RGS12: variants seen among roughly 807,000 people sequenced by gnomAD.
The protein encoded by RGS12 is regulator of G-protein signaling 12.
In RGS12, 66 loss-of-function variants were observed where a neutral mutation model predicts 120.1. The observed-to-expected ratio is 0.55, with a 90% confidence interval of 0.45 to 0.67. The LOEUF (loss-of-function observed/expected upper bound fraction) is 0.67. Among genes scored for constraint, RGS12 ranks in the 30% least tolerant of loss-of-function variants. RGS12 has a pLI of 0.00. For synonymous variants in RGS12, 827 were observed against 804.7 expected (o/e 1.03, Z -0.47); for missense variants, 1,859 against 1,957.7 (o/e 0.95, Z 0.95).
intron 12 of RGS12, among the ~76,000 whole-genome samples, 197 bp from the exon 13 acceptor site, chr4:3,423,315 TGGA>T (rs1723241722): frequency 6.6e-6 from 1 of 152,332 alleles, no homozygotes; most frequent in South Asian, 2.1e-4. Flanking sequence ...CTGCTATCCC[TGGA>T]GGAGGAGACC....
At chr4:3,294,977 G>T (rs1319936475) in intron 1 of RGS12, among the ~76,000 whole-genome samples, 1 of 152,160 alleles carries the variant, frequency 6.6e-6, no homozygotes, top group Non-Finnish European at 1.5e-5. Context: ...CCTGGGGAGG[G>T]TCAGGAGGTG....
intron 2 of RGS12, among the ~76,000 whole-genome samples, chr4:3,322,630 A>T (rs1005024344): frequency 2.0e-5 from 3 of 152,238 alleles, no homozygotes; most frequent in African/African-American, 7.2e-5. Context: ...AAGTAGCAGC[A>T]CCCAAATTCT....
upstream of RGS12, among the ~76,000 whole-genome samples, chr4:3,292,571 G>A (rs1050702895): frequency 2.6e-5 from 4 of 152,206 alleles, no homozygotes; most frequent in African/African-American, 9.6e-5. Flanking sequence ...CAACGGGAGC[G>A]GGACTTCCTC....
chr4:3,393,341 C>T (rs1455048761), intron 4 of RGS12, among the ~76,000 whole-genome samples: 1 of 152,142 alleles, frequency 6.6e-6, no homozygotes, highest in Non-Finnish European at 1.5e-5. Flanking sequence ...CGTGGGGTCT[C>T]GGCTGTGCAT....
Position 3,316,257 on chromosome 4 carries a change from G to A in RGS12, c.87G>A (p.Arg29=). The stretch of plus-strand genomic sequence containing the variant: ...GGAGTGTGGAGGTTGCCCGGGGGAG[G>A]GCCGGCTACGGATTCACGCTTTCGG... The part of the protein sequence containing the change: ...RVRSVEVARG[R]AGYGFTLSGQ... The change falls in exon 2 of 18, where the codon AGG becomes AGA. Residue 29 remains arginine (R), a synonymous_variant. Transcript: ENST00000336727. The A allele has an allele frequency of 6.2e-7, 1 of 1,613,596 alleles. No individual in the cohort carries two copies. Among genetic ancestry groups the A allele is most frequent in the Non-Finnish European group, 8.5e-7 (1 of 1,179,698 alleles).
intron 3 of RGS12, among the ~76,000 whole-genome samples, chr4:3,362,707 GGC>G: frequency 6.9e-6 from 1 of 145,976 alleles, no homozygotes; most frequent in Non-Finnish European, 1.5e-5. Context: ...GTGTGTGTGA[GGC>G]TGTGTGAGGG....
intron 1 of RGS12, among the ~76,000 whole-genome samples, chr4:3,302,498 A>G (rs762122130): frequency 2.6e-5 from 4 of 152,234 alleles, no homozygotes; most frequent in Non-Finnish European, 4.4e-5. Context: ...CCACAGAGAC[A>G]CGGGCAGGTG....
intron 3 of RGS12, among the ~76,000 whole-genome samples, chr4:3,368,491 C>T (rs1336994998): frequency 1.1e-5 from 1 of 89,342 alleles, no homozygotes; most frequent in Non-Finnish European, 2.1e-5. Flanking sequence ...GTGTGAGGTG[C>T]CTGTGTGTGT....
chr4:3,331,295 G>T (rs778729552), intron 2 of RGS12, among the ~76,000 whole-genome samples: 4 of 152,130 alleles, frequency 2.6e-5, no homozygotes, highest in Non-Finnish European at 5.9e-5. Flanking sequence ...ATGGGTAATA[G>T]TAGTTATCTC....
At chr4:3,367,813 TAG>T (rs1442534974) in intron 3 of RGS12, among the ~76,000 whole-genome samples, 4 of 152,144 alleles carry the variant, frequency 2.6e-5, no homozygotes, top group Non-Finnish European at 5.9e-5. Flanking sequence ...GGGGGGAGCC[TAG>T]AGAGAGACAG....
At chr4:3,338,246 G>A (rs972344307) in intron 2 of RGS12, among the ~76,000 whole-genome samples, 5 of 152,324 alleles carry the variant, frequency 3.3e-5, no homozygotes, top group Non-Finnish European at 5.9e-5. Context: ...TTTTAGTAGA[G>A]ACAGGGTTTC....
intron 10 of RGS12, 150 bp from the exon 11 acceptor site, chr4:3,422,226 T>A: frequency 1.5e-6 from 1 of 660,714 alleles, no homozygotes. Flanking sequence ...GAGCCTGAGA[T>A]GTGTGCACCT....
intron 4 of RGS12, among the ~76,000 whole-genome samples, chr4:3,404,789 A>C (rs1261873241): frequency 1.3e-5 from 2 of 152,244 alleles, no homozygotes; most frequent in African/African-American, 4.8e-5. Context: ...GAGCACCTGC[A>C]TGTCCAGATT....
rs17797467 is a variant in RGS12 at position 3,390,588 on chromosome 4, G to T, written c.2020+4151G>T. 5.9e-5 allele frequency among the ~76,000 whole-genome samples: 9 copies of T among 152,126 alleles called. No homozygotes were observed. Among genetic ancestry groups the T allele is most frequent in the African/African-American group, 1.9e-4 (8 of 41,432 alleles). ...CCGCCGCCTCCTCCTGGGCTGCTCT[G>T]CGCGCCTGCCAGGCTCTTCCAGTGC... On this transcript the variant is annotated intron_variant, in intron 4 of 17. Transcript: ENST00000336727. The surrounding 1 kb of genome is among the most constrained non-coding windows in gnomAD (Gnocchi z 4.6).
intron 4 of RGS12, among the ~76,000 whole-genome samples, chr4:3,387,535 C>G (rs554851147): frequency 4.6e-5 from 7 of 152,288 alleles, no homozygotes; most frequent in Admixed American, 3.9e-4. Flanking sequence ...CACCTGAAGC[C>G]GAGACCAGAG....
intron 2 of RGS12, among the ~76,000 whole-genome samples, chr4:3,333,993 A>G (rs959255857): frequency 6.6e-6 from 1 of 152,146 alleles, no homozygotes; most frequent in Non-Finnish European, 1.5e-5. Context: ...CTTTAATTAA[A>G]TTTATTCTCT....
chr4:3,431,321 T>G, intron 17 of RGS12: 1 of 1,099,238 alleles, frequency 9.1e-7, no homozygotes, highest in Non-Finnish European at 1.1e-6. Flanking sequence ...CGATCGTTTT[T>G]AGTGTTTCTG....
chr4:3,362,436 A>G (rs563623804), intron 3 of RGS12, among the ~76,000 whole-genome samples: 45 of 143,274 alleles, frequency 3.1e-4, no homozygotes, highest in Non-Finnish European at 9.2e-5. Context: ...TGTGTTGTGC[A>G]AGGGTGTGTG....
At chr4:3,353,425 A>G (rs2108810266) in intron 3 of RGS12, among the ~76,000 whole-genome samples, 1 of 152,332 alleles carries the variant, frequency 6.6e-6, no homozygotes, top group African/African-American at 2.4e-5. Context: ...AGTTTGTGGT[A>G]GCTCACTGTC....
Sources: gnomAD v4.1 joint callset for allele counts (sites outside exome capture counted in the v4.1 genomes callset) on GRCh38, gnomAD v4.1.1 for gene constraint, Gnocchi (gnomAD v3.1) non-coding constraint, MANE v1.5 for transcripts, NCBI Gene and HGNC (gene_info 2026-07-23, HGNC 2026-07-21) for gene names.